The following MMEL1 variants were observed in gnomAD, a reference collection of about 807,000 sequenced individuals.
The protein encoded by MMEL1 is membrane metallo-endopeptidase-like 1.
In MMEL1, 98 loss-of-function variants were observed where a neutral mutation model predicts 117.1. That is an observed-to-expected ratio of 0.84 (90% CI 0.71 to 0.99). The LOEUF is 0.99. MMEL1 is among the 50% of genes least tolerant of loss of function. MMEL1 has a pLI of 0.00. For synonymous variants in MMEL1, 390 were observed against 415.1 expected, an observed-to-expected ratio of 0.94 and a Z score of 0.74; for missense variants, 1,014 against 1,049.1, an observed-to-expected ratio of 0.97 and a Z score of 0.46.
Position 2,609,957 on chromosome 1 carries a change from C to T in MMEL1, c.293-126G>A, listed in dbSNP as rs371858294. 1.3e-5 allele frequency: 14 copies of T among 1,058,352 alleles called. No homozygotes were observed. In the South Asian group the frequency reaches 1.4e-4, roughly 11 times the overall value. The allele number at this position is 1,058,352 out of a possible 1,614,324, so 65.6% of individuals were successfully genotyped here. On this transcript the variant is annotated intron_variant, in intron 4 of 23. Coordinates refer to ENST00000378412, the MANE Select transcript of MMEL1 (RefSeq NM_033467.4). ...GGGAAGGGGCTGCTGTCCATCCAGTCGCAGCTGTGTGCCCAGGGAGAGTTA... is the reference window on the plus strand; with the variant it reads ...GGGAAGGGGCTGCTGTCCATCCAGTTGCAGCTGTGTGCCCAGGGAGAGTTA...
At chr1:2,604,356 G>A in intron 9 of MMEL1, 75 bp from the exon 10 acceptor site, 5 of 1,580,840 alleles carry the variant, frequency 3.2e-6, no homozygotes, top group Non-Finnish European at 4.3e-6. Context: ...TGTGGGGGTG[G>A]GGTGGGCGTA....
At chr1:2,591,894 A>G in intron 22 of MMEL1, 38 bp downstream of exon 22, 2 of 1,585,658 alleles carry the variant, frequency 1.3e-6, no homozygotes, top group South Asian at 2.2e-5. Context: ...ATGAGTGGGG[A>G]AGCATGGGGA....
chr1:2,622,907 C>T (rs937873642), intron 2 of MMEL1, among the ~76,000 whole-genome samples: 2 of 135,702 alleles, frequency 1.5e-5, no homozygotes, highest in Admixed American at 7.5e-5. Context: ...AAAAAAAGTC[C>T]AGGAGCGGTG....
intron 2 of MMEL1, among the ~76,000 whole-genome samples, chr1:2,619,113 T>C (rs543284580): frequency 1.7e-4 from 26 of 152,350 alleles, no homozygotes; most frequent in African/African-American, 4.3e-4. Flanking sequence ...TGTTTTCACC[T>C]GTCCTTTTGG....
chr1:2,623,844 G>C (rs2100963788), intron 2 of MMEL1, among the ~76,000 whole-genome samples: 1 of 152,296 alleles, frequency 6.6e-6, no homozygotes, highest in African/African-American at 2.4e-5. Flanking sequence ...TTAAACCACT[G>C]AGGCAGGTGT....
chr1:2,626,420 C>T (rs1204186702), intron 2 of MMEL1, among the ~76,000 whole-genome samples: 1 of 152,228 alleles, frequency 6.6e-6, no homozygotes, highest in African/African-American at 2.4e-5. Context: ...TGTAAAAAGC[C>T]AGATGTAAAT....
In MMEL1 at chr1:2,596,531, CCGCGTGGGCCATGGATGAGGGG is replaced by C. The variant is rs781039832; in HGVS notation, c.1401+8_1401+29del. ...TCGGTGTCCCTGTGGAAGGCTGGCC[CCGCGTGGGCCATGGATGAGGGG>C]CGCCCACCATGCTCTTGCTGTCTCC... is the stretch of plus-strand genomic sequence containing the variant. On this transcript the variant is annotated splice_region_variant and intron_variant, in intron 14 of 23. Coordinates refer to ENST00000378412, the MANE Select transcript of MMEL1 (RefSeq NM_033467.4). 2 of 1,599,886 alleles carry C rather than the reference CCGCGTGGGCCATGGATGAGGGG, an allele frequency of 1.3e-6. No individual in the cohort carries two copies. Among genetic ancestry groups the C allele is most frequent in the East Asian group, 4.5e-5 (2 of 44,734 alleles).
At chr1:2,611,752 G>T (rs1045601504) in intron 3 of MMEL1, among the ~76,000 whole-genome samples, 3 of 152,188 alleles carry the variant, frequency 2.0e-5, no homozygotes, top group African/African-American at 7.2e-5. Flanking sequence ...GGCTGAAGCC[G>T]GCCATTCTGC....
At chr1:2,629,820 G>C (rs949255896) in intron 1 of MMEL1, 10 of 231,440 alleles carry the variant, frequency 4.3e-5, no homozygotes, top group African/African-American at 2.3e-4. Context: ...CTGTAGTGGA[G>C]CCCCCCCCCT....
chr1:2,591,417 C>T (rs1644701948), intron 23 of MMEL1, 140 bp downstream of exon 23: 1 of 725,994 alleles, frequency 1.4e-6, no homozygotes, highest in South Asian at 1.6e-5. Context: ...CGAAATCGGC[C>T]AGAAGCCCCT....
rs983185046 is a variant in MMEL1, at chr1:2,607,168, C to T, written c.536-99G>A. The T allele has an allele frequency of 7.7e-5, 78 of 1,015,232 alleles. 2 individuals are homozygous for T. In the South Asian group the frequency reaches 1.0e-3, roughly 13 times the overall value. The allele number at this position is 1,015,232 out of a possible 1,614,324, so 62.9% of individuals were successfully genotyped here. A position where few individuals can be genotyped will look rare whatever the true frequency, so the allele number is the denominator to read the frequency against. On this transcript the variant is annotated intron_variant, in intron 6 of 23. Transcript: ENST00000378412. ...GCCGTTGGCCGGCGTCACAGGTCCCCACAGCCCCTGCAGTGCTCCGCGAGA... is the reference window on the plus strand; with the variant it reads ...GCCGTTGGCCGGCGTCACAGGTCCCTACAGCCCCTGCAGTGCTCCGCGAGA...
intron 22 of MMEL1, 21 bp downstream of exon 22, chr1:2,591,911 G>A (rs1445337639): frequency 6.2e-7 from 1 of 1,607,930 alleles, no homozygotes; most frequent in South Asian, 1.1e-5. Context: ...GGGATGGTGG[G>A]ACCAGGACTG....
At chr1:2,600,768 C>G (rs1317414758) in intron 11 of MMEL1, among the ~76,000 whole-genome samples, 5 of 152,212 alleles carry the variant, frequency 3.3e-5, no homozygotes, top group African/African-American at 1.2e-4. Flanking sequence ...AAATAAATAA[C>G]CAGAACTAAT....
At chr1:2,598,813 G>A in intron 11 of MMEL1, 23 bp from the exon 12 acceptor site, 2 of 1,594,314 alleles carry the variant, frequency 1.3e-6, no homozygotes, top group Non-Finnish European at 1.7e-6. Flanking sequence ...GAAGTGGGGA[G>A]AAAGAGGGAG....
rs751258199 is a variant in MMEL1 at position 2,605,592 on chromosome 1, C to A, written c.782G>T (p.Arg261Leu). The change falls in exon 9 of 24, where the codon CGA (arginine) becomes CTA (leucine). Residue 261 changes from arginine (R) to leucine (L), a missense_variant. Physicochemically the swap from Arg to Leu is moderately radical, Grantham distance 102 (BLOSUM62 -2). Coordinates refer to ENST00000378412, the MANE Select transcript of MMEL1 (RefSeq NM_033467.4). ...IDQPTLGMPS[R>L]EYYFNGGSNR... is the part of the protein sequence containing the mutation. ...GCTGCCGCCGTTGAAGTAGTACTCT[C>A]GGGAGGGCATGCCCAAGGTGGGCTG... 6.2e-7 allele frequency: 1 copy of A among 1,613,014 alleles called. No homozygotes were observed. Among genetic ancestry groups the A allele is most frequent in the Non-Finnish European group, 8.5e-7 (1 of 1,179,450 alleles).
chr1:2,593,771 C>T (rs368381322), intron 19 of MMEL1, 43 bp downstream of exon 19: 23 of 1,531,498 alleles, frequency 1.5e-5, no homozygotes, highest in South Asian at 5.0e-5. Context: ...TGCTTCTCCG[C>T]GGAGAGGGGA....
At chr1:2,604,320 G>A in intron 9 of MMEL1, 39 bp from the exon 10 acceptor site, 1 of 1,605,142 alleles carries the variant, frequency 6.2e-7, no homozygotes, top group Non-Finnish European at 8.5e-7. Flanking sequence ...GGTGGCCTCA[G>A]CCACCATGGC....
intron 1 of MMEL1, 82 bp from the exon 2 acceptor site, chr1:2,629,603 G>A (rs1638449838): frequency 8.7e-6 from 11 of 1,270,646 alleles, no homozygotes; most frequent in South Asian, 6.7e-5. Context: ...CCGGATGCTG[G>A]CTGGGAGCGG....
At position 2,606,241 on chromosome 1, in the gene MMEL1, C is replaced by A; in HGVS notation, c.750+7G>T. 1 of 1,611,408 alleles carries A rather than the reference C, an allele frequency of 6.2e-7. No homozygotes were observed. Reference sequence around the variant, plus strand: ...TGCCTACCCCTGCCCACCGGCGCGGCTCGTACGTAGATGATGTGCCGGCTG... The same window carrying A: ...TGCCTACCCCTGCCCACCGGCGCGGATCGTACGTAGATGATGTGCCGGCTG... On this transcript the variant is annotated splice_region_variant and intron_variant, in intron 8 of 23. Transcript: ENST00000378412.
Sources: gnomAD v4.1 joint callset for allele counts (sites outside exome capture counted in the v4.1 genomes callset) on GRCh38, gnomAD v4.1.1 for gene constraint, MANE v1.5 for transcripts, NCBI Gene and HGNC (gene_info 2026-07-23, HGNC 2026-07-21) for gene names.